The following TMEFF2 variants were observed in gnomAD, a reference collection of about 807,000 sequenced individuals.
TMEFF2 encodes the protein transmembrane protein with EGF like and two follistatin like domains 2, also known as tomoregulin-2.
In TMEFF2, 28 loss-of-function variants were observed where a neutral mutation model predicts 53.8. That is an observed-to-expected ratio of 0.52 (90% CI 0.39 to 0.71). TMEFF2 has a LOEUF of 0.71. Ranked by LOEUF, TMEFF2 falls within the 30% of genes least tolerant of loss-of-function variation. The pLI is 0.00. For missense variants in TMEFF2, 353 were observed against 455.2 expected, an observed-to-expected ratio of 0.78 and a Z score of 2.04; for synonymous variants, 162 against 166.3, an observed-to-expected ratio of 0.97 and a Z score of 0.20.
intron 7 of TMEFF2, among the ~76,000 whole-genome samples, chr2:191,985,674 T>A (rs1475814160): frequency 2.0e-5 from 3 of 152,196 alleles, no homozygotes; most frequent in African/African-American, 7.2e-5. Flanking sequence ...AGACAGAAAA[T>A]AACATTGCTG....
intron 9 of TMEFF2, among the ~76,000 whole-genome samples, chr2:191,953,196 A>G (rs1259791031): frequency 6.6e-6 from 1 of 152,222 alleles, no homozygotes; most frequent in African/African-American, 2.4e-5. Context: ...CCAGGAAACA[A>G]TTACCTTTTG....
At chr2:192,084,788 C>T (rs1006098283) in intron 4 of TMEFF2, among the ~76,000 whole-genome samples, 5 of 152,172 alleles carry the variant, frequency 3.3e-5, no homozygotes, top group African/African-American at 1.2e-4. Flanking sequence ...GAGTGGGTGT[C>T]TAGCACAGGT....
chr2:192,150,961 G>A (rs901898232), intron 4 of TMEFF2, among the ~76,000 whole-genome samples: 1 of 151,752 alleles, frequency 6.6e-6, no homozygotes, highest in Admixed American at 6.6e-5. Flanking sequence ...ATCTCATCTC[G>A]AATTGTAATC....
intron 4 of TMEFF2, among the ~76,000 whole-genome samples, chr2:192,063,017 C>A (rs549199870): frequency 4.7e-5 from 7 of 148,522 alleles, no homozygotes; most frequent in Non-Finnish European, 1.0e-4. Flanking sequence ...AATTTGATTT[C>A]TTTATACAAG....
intron 9 of TMEFF2, 189 bp from the exon 10 acceptor site, chr2:191,950,596 A>AGTT: frequency 1.2e-6 from 1 of 824,646 alleles, no homozygotes; most frequent in Non-Finnish European, 2.0e-6. Context: ...GTTGTCTTTA[A>AGTT]ATTTTTGTTG....
At chr2:192,013,024 C>A (rs1010361436) in intron 5 of TMEFF2, among the ~76,000 whole-genome samples, 1 of 152,174 alleles carries the variant, frequency 6.6e-6, no homozygotes, top group Non-Finnish European at 1.5e-5. Flanking sequence ...ATTGCTCTCC[C>A]ATTTCTACTT....
intron 4 of TMEFF2, among the ~76,000 whole-genome samples, chr2:192,104,431 G>A (rs1689100503): frequency 6.6e-6 from 1 of 152,130 alleles, no homozygotes; most frequent in East Asian, 1.9e-4. Context: ...TCAAGACATA[G>A]GTCAAATATT....
At chr2:192,012,618 G>A (rs1686655674) in intron 5 of TMEFF2, among the ~76,000 whole-genome samples, 1 of 152,122 alleles carries the variant, frequency 6.6e-6, no homozygotes, top group South Asian at 2.1e-4. Context: ...AAATGAACTA[G>A]TTTGTTCTCT....
At chr2:192,187,204 T>C (rs962298257) in intron 2 of TMEFF2, among the ~76,000 whole-genome samples, 1 of 152,200 alleles carries the variant, frequency 6.6e-6, no homozygotes, top group African/African-American at 2.4e-5. Flanking sequence ...TAGGACCTTT[T>C]GTATATTAGT....
intron 4 of TMEFF2, among the ~76,000 whole-genome samples, chr2:192,124,551 T>C (rs979939729): frequency 3.3e-5 from 5 of 152,188 alleles, no homozygotes; most frequent in African/African-American, 9.7e-5. Context: ...GAGAGGAATA[T>C]CTGGATCCCC....
intron 5 of TMEFF2, among the ~76,000 whole-genome samples, chr2:192,052,672 G>A (rs1385816915): frequency 2.0e-5 from 3 of 152,128 alleles, no homozygotes; most frequent in African/African-American, 7.2e-5. Flanking sequence ...TTGGCAGGGT[G>A]TATTTGAGAA....
chr2:192,088,378 C>T (rs1221664601), intron 4 of TMEFF2, among the ~76,000 whole-genome samples: 5 of 151,910 alleles, frequency 3.3e-5, no homozygotes, highest in East Asian at 1.9e-4. Flanking sequence ...GGGAAATATG[C>T]GGTCGATGGA....
chr2:192,105,029 T>G (rs1689114329), intron 4 of TMEFF2, among the ~76,000 whole-genome samples: 1 of 152,016 alleles, frequency 6.6e-6, no homozygotes, highest in Admixed American at 6.6e-5. Context: ...AACTTTTCAT[T>G]TATTGAAAAG....
chr2:192,012,219 T>C (rs189102600), intron 5 of TMEFF2, among the ~76,000 whole-genome samples: 186 of 152,334 alleles, frequency 1.2e-3, no homozygotes, highest in African/African-American at 3.7e-3. Context: ...TTATCTTTTA[T>C]CTTGTTTTCA....
intron 9 of TMEFF2, among the ~76,000 whole-genome samples, chr2:191,950,697 A>T (rs924005581): frequency 2.6e-5 from 4 of 152,200 alleles, no homozygotes; most frequent in Non-Finnish European, 5.9e-5. Flanking sequence ...ACTCAGCACA[A>T]TGCAATCAAG....
chr2:192,162,489 G>C (rs1250716117), intron 4 of TMEFF2, among the ~76,000 whole-genome samples: 1 of 152,108 alleles, frequency 6.6e-6, no homozygotes, highest in Non-Finnish European at 1.5e-5. Flanking sequence ...TTTTCAACAG[G>C]GGGAAATAAC....
chr2:192,050,595 T>G (rs1176418322), intron 5 of TMEFF2, among the ~76,000 whole-genome samples: 1 of 152,162 alleles, frequency 6.6e-6, no homozygotes, highest in African/African-American at 2.4e-5. Flanking sequence ...TTGAAGCTTT[T>G]AACTTCAGTT....
At chr2:192,164,824 T>G (rs965181148) in intron 4 of TMEFF2, among the ~76,000 whole-genome samples, 7 of 152,162 alleles carry the variant, frequency 4.6e-5, no homozygotes, top group South Asian at 2.1e-4. Context: ...AAGCTTCCTG[T>G]GAATTGGGAC....
intron 3 of TMEFF2, among the ~76,000 whole-genome samples, chr2:192,183,879 AC>A (rs752619344): frequency 4.7e-4 from 72 of 152,216 alleles, no homozygotes; most frequent in Non-Finnish European, 7.4e-4. Context: ...AATAAAATCT[AC>A]TAAATAGTAA....
Sources: allele counts gnomAD v4.1 joint callset (sites outside exome capture counted in the v4.1 genomes callset), GRCh38; gene constraint gnomAD v4.1.1; transcripts MANE v1.5; gene names NCBI Gene and HGNC (gene_info 2026-07-23, HGNC 2026-07-21).